Variants in USH2A observed in about 807,000 individuals in gnomAD.
USH2A encodes the protein usherin.
USH2A carries 443 observed loss-of-function variants against 538.9 expected under a neutral mutation model. The ratio of observed to expected loss-of-function variants is 0.82; its 90% confidence interval spans 0.76 to 0.89. USH2A has a LOEUF of 0.89. Among genes scored for constraint, USH2A ranks in the 40% least tolerant of loss-of-function variants. USH2A has a pLI of 0.00. For synonymous variants in USH2A, 2,413 were observed against 2,273.5 expected, an observed-to-expected ratio of 1.06 and a Z score of -1.75; for missense variants, 6,633 against 6,324.8, an observed-to-expected ratio of 1.05 and a Z score of -1.65.
chr1:216,213,379 T>C (rs1038743351), intron 15 of USH2A, among the ~76,000 whole-genome samples: 3 of 152,086 alleles, frequency 2.0e-5, no homozygotes, highest in Admixed American at 1.3e-4. Context: ...TTCTGTATTA[T>C]GTCTGATCTT....
chr1:215,926,155 A>G (rs1251570908), intron 38 of USH2A, among the ~76,000 whole-genome samples: 1 of 146,070 alleles, frequency 6.8e-6, no homozygotes, highest in Admixed American at 7.1e-5. Context: ...GCTCTTTCGT[A>G]TATTCTTGCT....
intron 13 of USH2A, among the ~76,000 whole-genome samples, chr1:216,233,851 T>C (rs1038560021): frequency 6.6e-6 from 1 of 152,164 alleles, no homozygotes; most frequent in Non-Finnish European, 1.5e-5. Context: ...GTTCTTAGTG[T>C]TGTGTGATGT....
chr1:215,996,616 T>G (rs1237976497), intron 34 of USH2A, among the ~76,000 whole-genome samples: 1 of 119,572 alleles, frequency 8.4e-6, no homozygotes, highest in Non-Finnish European at 1.6e-5. Flanking sequence ...GAGTATGTTT[T>G]GGAACCACAC....
intron 26 of USH2A, chr1:216,080,123 A>G (rs1558247869): frequency 6.6e-6 from 1 of 152,150 alleles, no homozygotes; most frequent in Non-Finnish European, 1.5e-5. Flanking sequence ...TCAAACATAA[A>G]GATACACAGT....
rs375487139 is a variant in USH2A, at chr1:215,782,909, A to G, written c.10414T>C (p.Tyr3472His). The G allele has an allele frequency of 5.6e-6, 9 of 1,613,580 alleles. No individual in the cohort carries two copies. Among genetic ancestry groups the G allele is most frequent in the Non-Finnish European group, 5.9e-6 (7 of 1,179,830 alleles). Residue 3472 changes from tyrosine to histidine, a missense_variant, in exon 53 of 72, where the codon TAT becomes CAT. Transcript: ENST00000307340. ...TTCCAGGCAGAAATCCTGTACTCAT[A>G]TGTCATGTAGGGCTTGAGGTTCACA... ...TDVNLKPYMT[Y>H]EYRISAWNSY...
At chr1:216,359,225 G>C (rs1052422534) in intron 4 of USH2A, among the ~76,000 whole-genome samples, 1 of 151,874 alleles carries the variant, frequency 6.6e-6, no homozygotes, top group African/African-American at 2.4e-5. Context: ...TTTCTCTTTT[G>C]ATTGGTACAA....
chr1:216,252,553 A>T (rs1295387871), intron 11 of USH2A, among the ~76,000 whole-genome samples: 3 of 152,254 alleles, frequency 2.0e-5, no homozygotes. Flanking sequence ...GTCCTCATCC[A>T]AGAAATAGAG....
intron 35 of USH2A, among the ~76,000 whole-genome samples, chr1:215,981,318 T>C (rs1279406452): frequency 6.6e-6 from 1 of 152,158 alleles, no homozygotes; most frequent in Non-Finnish European, 1.5e-5. Flanking sequence ...TTTCTGATGG[T>C]TACATGTGTT....
At chr1:216,091,390 T>C (rs550427328) in intron 22 of USH2A, among the ~76,000 whole-genome samples, 15 of 152,362 alleles carry the variant, frequency 9.8e-5, no homozygotes, top group African/African-American at 3.6e-4. Context: ...TGATCAAGTA[T>C]ATTCAAAATT....
chr1:215,999,812 A>G (rs1442037832), intron 33 of USH2A, among the ~76,000 whole-genome samples: 1 of 152,156 alleles, frequency 6.6e-6, no homozygotes, highest in Non-Finnish European at 1.5e-5. Flanking sequence ...AATAAATGTC[A>G]GAATTCATTT....
intron 21 of USH2A, among the ~76,000 whole-genome samples, chr1:216,140,862 C>T (rs2033588618): frequency 6.6e-6 from 1 of 152,178 alleles, no homozygotes; most frequent in African/African-American, 2.4e-5. Context: ...ACCCAAAGGC[C>T]ACAGGCTCCT....
At chr1:216,231,929 T>C (rs2035704172) in intron 14 of USH2A, 24 bp downstream of exon 14, 1 of 1,613,630 alleles carries the variant, frequency 6.2e-7, no homozygotes, top group Non-Finnish European at 8.5e-7. Context: ...AAGAGTTAAA[T>C]TATTAAAGCT....
At position 216,315,494 on chromosome 1, in the gene USH2A, G is replaced by A. The variant is rs116774414; in HGVS notation, c.1644+6389C>T. On this transcript the variant is annotated intron_variant, in intron 9 of 71. Transcript: ENST00000307340. ...CAAAGAAGCATAAGAGAACGTTTGG[G>A]AGAGTGAAACATTCCATCTCTAGAC... Among the ~76,000 whole-genome samples the A allele has an allele frequency of 8.4e-3, 1,284 of 152,260 alleles. 8 individuals carry two copies. Among genetic ancestry groups the A allele is most frequent in the Middle Eastern group, 0.024 (7 of 294 alleles).
chr1:215,991,872 T>C (rs1345201648), intron 35 of USH2A, among the ~76,000 whole-genome samples: 1 of 152,228 alleles, frequency 6.6e-6, no homozygotes, highest in Non-Finnish European at 1.5e-5. Flanking sequence ...TTGTCATCTA[T>C]GAACTAGGGT....
At chr1:215,991,180 C>T (rs1667996076) in intron 35 of USH2A, among the ~76,000 whole-genome samples, 1 of 152,152 alleles carries the variant, frequency 6.6e-6, no homozygotes, top group South Asian at 2.1e-4. Context: ...TTTGACTCCA[C>T]CCATGTTTTC....
chr1:216,004,166 C>A (rs1452174191), intron 32 of USH2A, among the ~76,000 whole-genome samples: 2 of 151,966 alleles, frequency 1.3e-5, no homozygotes, highest in Non-Finnish European at 1.5e-5. Context: ...AGTTAGATAA[C>A]CAAGAGGAGA....
intron 3 of USH2A, among the ~76,000 whole-genome samples, chr1:216,381,278 AT>A (rs1281425435): frequency 2.0e-5 from 3 of 152,146 alleles, no homozygotes; most frequent in African/African-American, 7.2e-5. Flanking sequence ...AGGCAAAAAA[AT>A]ATCATGGTTA....
At chr1:216,143,699 C>T (rs989862634) in intron 21 of USH2A, among the ~76,000 whole-genome samples, 1 of 152,042 alleles carries the variant, frequency 6.6e-6, no homozygotes, top group Non-Finnish European at 1.5e-5. Flanking sequence ...CTGGAAACTA[C>T]CAGAAAACCA....
intron 32 of USH2A, among the ~76,000 whole-genome samples, chr1:216,013,857 C>A (rs1044209325): frequency 6.6e-6 from 1 of 152,134 alleles, no homozygotes; most frequent in Non-Finnish European, 1.5e-5. Flanking sequence ...TCTCTTCACA[C>A]GGACTCACAT....
Sources: allele counts gnomAD v4.1 joint callset (sites outside exome capture counted in the v4.1 genomes callset), GRCh38; gene constraint gnomAD v4.1.1; transcripts MANE v1.5; gene names NCBI Gene and HGNC (gene_info 2026-07-23, HGNC 2026-07-21).